LRBA: variants seen among roughly 807,000 people sequenced by gnomAD.
LRBA encodes LPS responsive beige-like anchor protein, also known as lipopolysaccharide-responsive and beige-like anchor protein.
A neutral mutation model predicts 330.0 loss-of-function variants in LRBA; 176 were observed. The observed-to-expected ratio is 0.53, with a 90% CI of 0.47 to 0.60. The LOEUF is 0.60. Among genes scored for constraint, LRBA ranks in the 20% least tolerant of loss-of-function variants. LRBA has a pLI of 0.00. For synonymous variants in LRBA, 1,230 were observed against 1,193.0 expected (o/e 1.03, Z -0.64); for missense variants, 3,259 against 3,444.8 (o/e 0.95, Z 1.35).
chr4:151,001,677 T>A (rs1449922941), intron 2 of LRBA, among the ~76,000 whole-genome samples: 1 of 152,054 alleles, frequency 6.6e-6, no homozygotes, highest in African/African-American at 2.4e-5. Context: ...GTGGGTCATC[T>A]CTGCCTTTAC....
At chr4:150,341,319 G>A (rs564965903) in intron 48 of LRBA, among the ~76,000 whole-genome samples, 14 of 151,890 alleles carry the variant, frequency 9.2e-5, no homozygotes, top group Non-Finnish European at 1.5e-4. Flanking sequence ...ATACCACCAC[G>A]CCTGGCTAAT....
intron 52 of LRBA, among the ~76,000 whole-genome samples, chr4:150,308,340 T>C (rs2126871517): frequency 6.6e-6 from 1 of 152,352 alleles, no homozygotes; most frequent in East Asian, 1.9e-4. Context: ...TGTAGTGCAA[T>C]GCATCACTCA....
chr4:150,351,162 G>A (rs1037598428), intron 47 of LRBA, among the ~76,000 whole-genome samples: 7 of 152,122 alleles, frequency 4.6e-5, no homozygotes, highest in Admixed American at 6.6e-5. Flanking sequence ...AGCTACAAGC[G>A]TTGTGCCTAA....
At chr4:150,562,818 T>TA (rs397995788) in intron 40 of LRBA, among the ~76,000 whole-genome samples, 13 of 151,908 alleles carry the variant, frequency 8.6e-5, no homozygotes, top group Middle Eastern at 3.4e-3. Context: ...ATTTTTTTTT[T>TA]AATAGGGGTC....
At chr4:150,979,396 G>T (rs1365350870) in intron 2 of LRBA, among the ~76,000 whole-genome samples, 2 of 152,176 alleles carry the variant, frequency 1.3e-5, no homozygotes, top group African/African-American at 2.4e-5. Flanking sequence ...AAGGAAGTTA[G>T]TTCCTCAATC....
chr4:150,780,472 C>T (rs1738005136), intron 34 of LRBA, among the ~76,000 whole-genome samples: 1 of 151,838 alleles, frequency 6.6e-6, no homozygotes, highest in Non-Finnish European at 1.5e-5. Context: ...TCAAGAGTCA[C>T]AACCTAAAGC....
At chr4:150,536,884 A>G (rs913934964) in intron 40 of LRBA, among the ~76,000 whole-genome samples, 3 of 152,234 alleles carry the variant, frequency 2.0e-5, no homozygotes, top group African/African-American at 7.2e-5. Flanking sequence ...AGGAATTAAT[A>G]TCATTAAAAT....
intron 2 of LRBA, among the ~76,000 whole-genome samples, chr4:150,976,175 G>A (rs1398913023): frequency 5.9e-4 from 52 of 88,680 alleles, no homozygotes; most frequent in African/African-American, 1.7e-3. Flanking sequence ...ACTCCGTCTT[G>A]AAAAAAAAAA....
chr4:150,899,709 C>T (rs1730513330), intron 14 of LRBA, among the ~76,000 whole-genome samples: 1 of 152,172 alleles, frequency 6.6e-6, no homozygotes, highest in South Asian at 2.1e-4. Context: ...TTCAAGGAAT[C>T]TCATTGTGAC....
chr4:150,645,111 G>T (rs1779003681), intron 37 of LRBA, among the ~76,000 whole-genome samples: 2 of 140,960 alleles, frequency 1.4e-5, no homozygotes, highest in Admixed American at 7.2e-5. Flanking sequence ...TCAAAAAAAA[G>T]TTTTTTTTTC....
intron 37 of LRBA, among the ~76,000 whole-genome samples, chr4:150,640,426 A>G (rs1469970154): frequency 2.0e-5 from 3 of 152,184 alleles, no homozygotes; most frequent in Non-Finnish European, 2.9e-5. Flanking sequence ...GAACAATGAA[A>G]TGCATACTAC....
chr4:150,700,184 C>G (rs2126991766), intron 36 of LRBA, among the ~76,000 whole-genome samples: 1 of 151,928 alleles, frequency 6.6e-6, no homozygotes, highest in South Asian at 2.1e-4. Context: ...TTATTTTTAT[C>G]AAAGGTGAAG....
chr4:150,471,240 C>T (rs980115611), intron 43 of LRBA, among the ~76,000 whole-genome samples: 4 of 152,166 alleles, frequency 2.6e-5, no homozygotes, highest in Non-Finnish European at 5.9e-5. Flanking sequence ...CATGGAATGA[C>T]ATCTAACATT....
At chr4:150,739,218 A>G (rs932581501) in intron 35 of LRBA, among the ~76,000 whole-genome samples, 2 of 152,334 alleles carry the variant, frequency 1.3e-5, no homozygotes, top group South Asian at 4.1e-4. Context: ...TATGCTCTTA[A>G]GAATATGGCC....
intron 47 of LRBA, among the ~76,000 whole-genome samples, chr4:150,385,104 T>G (rs1742866952): frequency 6.6e-6 from 1 of 152,126 alleles, no homozygotes; most frequent in Non-Finnish European, 1.5e-5. Context: ...GAAAAATAAC[T>G]CAAACTGTGT....
intron 34 of LRBA, among the ~76,000 whole-genome samples, chr4:150,797,039 G>A (rs1019936610): frequency 1.3e-5 from 2 of 151,718 alleles, no homozygotes; most frequent in Non-Finnish European, 3.0e-5. Context: ...CTTCTCACAA[G>A]TTCATTACAA....
chr4:150,830,953 T>G (rs990707353), intron 29 of LRBA, among the ~76,000 whole-genome samples: 3 of 151,686 alleles, frequency 2.0e-5, no homozygotes, highest in African/African-American at 7.3e-5. Context: ...TTAGTAGAGA[T>G]AGGGTTTTAC....
chr4:150,471,752 G>T lies in LRBA; in HGVS notation c.6552-13C>A, dbSNP rs140629626. On this transcript the variant is annotated splice_polypyrimidine_tract_variant and intron_variant, in intron 42 of 56. Transcript: ENST00000651943. Reference sequence around the variant, plus strand: ...TAATGAAATACGTCTGCAAGAAAAAGAATTCAATGTGATATGATTAATTAT... The same window carrying T: ...TAATGAAATACGTCTGCAAGAAAAATAATTCAATGTGATATGATTAATTAT... 5.3e-6 allele frequency: 6 copies of T among 1,126,396 alleles called. No individual in the cohort carries two copies. Among genetic ancestry groups the T allele is most frequent in the East Asian group, 2.4e-5 (1 of 42,036 alleles). 69.8% of individuals were successfully genotyped at this position (1,126,396 alleles called of 1,614,324 possible).
chr4:150,876,996 G>A (rs188268179), intron 17 of LRBA, among the ~76,000 whole-genome samples: 4 of 152,290 alleles, frequency 2.6e-5, no homozygotes, highest in African/African-American at 7.2e-5. Context: ...GCTCACGCCT[G>A]TAATCCCAGC....
Sources: allele counts gnomAD v4.1 joint callset (sites outside exome capture counted in the v4.1 genomes callset), GRCh38; gene constraint gnomAD v4.1.1; transcripts MANE v1.5; gene names NCBI Gene and HGNC (gene_info 2026-07-23, HGNC 2026-07-21).